The following ARHGEF28 variants were observed in gnomAD, a reference collection of about 807,000 sequenced individuals.
ARHGEF28 encodes the protein 190 kDa guanine nucleotide exchange factor.
A neutral mutation model predicts 206.6 loss-of-function variants in ARHGEF28; 152 were observed. The ratio of observed to expected loss-of-function variants is 0.74; its 90% CI spans 0.64 to 0.84. The LOEUF (loss-of-function observed/expected upper bound fraction) is 0.84, where lower values mean the gene tolerates loss of function less well. Ranked by LOEUF, ARHGEF28 falls within the 40% of genes least tolerant of loss-of-function variation. The probability of loss-of-function intolerance (pLI) is 0.00; values close to 1 mark genes in which losing one functional copy is unlikely to be tolerated. For synonymous variants in ARHGEF28, 763 were observed against 776.4 expected, an observed-to-expected ratio of 0.98 and a Z score of 0.29; for missense variants, 2,028 against 2,073.2, an observed-to-expected ratio of 0.98 and a Z score of 0.42.
intron 16 of ARHGEF28, among the ~76,000 whole-genome samples, chr5:73,859,644 A>G (rs955891327): frequency 6.6e-6 from 1 of 152,166 alleles, no homozygotes; most frequent in African/African-American, 2.4e-5. Flanking sequence ...GGCTGCTCAG[A>G]TGTGGTTTAA....
chr5:73,652,185 C>T (rs548994312), intron 1 of ARHGEF28, among the ~76,000 whole-genome samples: 3 of 152,120 alleles, frequency 2.0e-5, no homozygotes, highest in East Asian at 1.9e-4. Flanking sequence ...TCTTCCCTCA[C>T]GAAGCTTATT....
In ARHGEF28 at chr5:73,695,853, C is replaced by T. The variant is rs576996085; in HGVS notation, c.33+10969C>T. On this transcript the variant is annotated intron_variant, in intron 2 of 35. Coordinates refer to ENST00000513042, the MANE Select transcript of ARHGEF28 (RefSeq NM_001177693.2). ...TTATTTCCCTACATTCATCTCGCAA[C>T]TCGCAGCCATATCATTTATCTGTTC... is the stretch of plus-strand genomic sequence containing the variant. Among the ~76,000 whole-genome samples the T allele has an allele frequency of 2.0e-5, 3 of 152,310 alleles. No homozygotes were observed. In the South Asian group the frequency reaches 6.2e-4, roughly 32 times the overall value.
intron 9 of ARHGEF28, among the ~76,000 whole-genome samples, chr5:73,796,433 A>G (rs966076029): frequency 1.3e-5 from 2 of 152,226 alleles, no homozygotes; most frequent in Non-Finnish European, 2.9e-5. Flanking sequence ...AGATTAATGG[A>G]GAAGGTGGGT....
At chr5:73,731,098 C>T (rs778972440) in intron 2 of ARHGEF28, among the ~76,000 whole-genome samples, 2 of 151,298 alleles carry the variant, frequency 1.3e-5, no homozygotes, top group Non-Finnish European at 2.9e-5. Flanking sequence ...TTTTTAGTAA[C>T]TGTGCTCAAC....
chr5:73,835,195 G>T (rs1266107448), intron 10 of ARHGEF28: 3 of 152,288 alleles, frequency 2.0e-5, no homozygotes, highest in Admixed American at 2.0e-4. Flanking sequence ...GGACGGGCCG[G>T]GCACGGTGGC....
intron 35 of ARHGEF28, among the ~76,000 whole-genome samples, chr5:73,924,454 T>C (rs1312149334): frequency 1.3e-5 from 2 of 152,216 alleles, no homozygotes; most frequent in Non-Finnish European, 1.5e-5. Context: ...CATAAAACAA[T>C]GTGTGTACAA....
At chr5:73,632,563 T>C (rs1743436002) in intron 1 of ARHGEF28, among the ~76,000 whole-genome samples, 2 of 152,224 alleles carry the variant, frequency 1.3e-5, no homozygotes, top group African/African-American at 4.8e-5. Context: ...AGTTCTGCTA[T>C]GTGGAGGCCA....
chr5:73,832,308 A>G (rs1757345569), intron 9 of ARHGEF28, 30 bp from the exon 10 acceptor site: 4 of 1,609,622 alleles, frequency 2.5e-6, no homozygotes, highest in Non-Finnish European at 2.5e-6. Flanking sequence ...CTTCTCCTTT[A>G]TTTGCCCTGT....
At chr5:73,872,383 A>G (rs1443835920) in intron 21 of ARHGEF28, among the ~76,000 whole-genome samples, 1 of 152,134 alleles carries the variant, frequency 6.6e-6, no homozygotes, top group African/African-American at 2.4e-5. Context: ...TATACTAGAT[A>G]CAAGTTCCTT....
At chr5:73,734,088 G>A (rs1750766245) in intron 2 of ARHGEF28, among the ~76,000 whole-genome samples, 1 of 152,086 alleles carries the variant, frequency 6.6e-6, no homozygotes, top group African/African-American at 2.4e-5. Flanking sequence ...CCTCCCACCA[G>A]GCCCCACCCC....
Position 73,901,240 on chromosome 5 carries a change from C to T in ARHGEF28, c.4030C>T (p.Gln1344Ter). Residue 1344 changes from glutamine (Q) to a stop codon, truncating the protein, a stop_gained, in exon 31 of 36, where the codon CAG becomes TAG. Transcript: ENST00000513042. LOFTEE classifies it high-confidence loss of function. The stretch of plus-strand genomic sequence containing the variant: ...CTGTTCGGATGTGGATCCCGGGATC[C>T]AGGGTGTGGTAACCGACTTGGCCGT... ...RGCSDVDPGI[Q>*]GVVTDLAVSD... 1 of 1,613,330 alleles carries T rather than the reference C, an allele frequency of 6.2e-7. No homozygotes were observed. Among genetic ancestry groups the T allele is most frequent in the African/African-American group, 1.3e-5 (1 of 74,948 alleles).
intron 4 of ARHGEF28, among the ~76,000 whole-genome samples, chr5:73,769,033 T>C (rs1020924561): frequency 2.0e-5 from 3 of 152,198 alleles, no homozygotes; most frequent in African/African-American, 7.2e-5. Context: ...CCTTCCACCA[T>C]GATTGTGAGG....
chr5:73,881,632 T>A lies in ARHGEF28; in HGVS notation c.2815-840T>A, dbSNP rs1011092346. Among the ~76,000 whole-genome samples the A allele has an allele frequency of 2.0e-5, 3 of 152,218 alleles. No individual in the cohort carries two copies. In the East Asian group the frequency reaches 5.8e-4, roughly 29 times the overall value. ...GATGAAAAGACCAGAGGTCGTGATGTAAATTTTAAGTACTTTTAAGAGGGT... is the reference window on the plus strand; with the variant it reads ...GATGAAAAGACCAGAGGTCGTGATGAAAATTTTAAGTACTTTTAAGAGGGT... On this transcript the variant is annotated intron_variant, in intron 22 of 35. Transcript: ENST00000513042.
rs1489556598 is a variant in ARHGEF28 at position 73,911,182 on chromosome 5, CT to C, written c.4648-91del. The C allele has an allele frequency of 2.4e-6, 3 of 1,257,884 alleles. No individual in the cohort carries two copies. The African/African-American group carries it at 4.5e-5, about 19-fold the overall frequency. The allele number at this position is 1,257,884 out of a possible 1,614,324, so 77.9% of individuals were successfully genotyped here. On this transcript the variant is annotated intron_variant, in intron 34 of 35. Transcript: ENST00000513042. The stretch of plus-strand genomic sequence containing the variant: ...ATCTTGACCTCACTTTTACTGAAAT[CT>C]TGATTCCTAAGATTCTCTCAGGAAT...
chr5:73,657,503 T>G (rs1471873823), intron 1 of ARHGEF28, among the ~76,000 whole-genome samples: 1 of 152,202 alleles, frequency 6.6e-6, no homozygotes, highest in African/African-American at 2.4e-5. Context: ...CAGTCTATCA[T>G]TTGAAGTTCT....
intron 1 of ARHGEF28, among the ~76,000 whole-genome samples, chr5:73,676,171 A>G (rs1287335072): frequency 1.3e-5 from 2 of 150,388 alleles, no homozygotes; most frequent in East Asian, 3.9e-4. Flanking sequence ...CCTGGGTTCA[A>G]GTGATTCTCC....
At chr5:73,886,757 C>T (rs1761325127) in intron 25 of ARHGEF28, among the ~76,000 whole-genome samples, 1 of 152,222 alleles carries the variant, frequency 6.6e-6, no homozygotes, top group African/African-American at 2.4e-5. Context: ...TACGAATGCT[C>T]ATGTCTCCTC....
intron 4 of ARHGEF28, among the ~76,000 whole-genome samples, chr5:73,758,840 T>C: frequency 6.6e-6 from 1 of 152,198 alleles, no homozygotes; most frequent in Non-Finnish European, 1.5e-5. Flanking sequence ...TTTGTAAAGG[T>C]ACTAGCATGA....
At chr5:73,690,884 T>A (rs1747779614) in intron 2 of ARHGEF28, among the ~76,000 whole-genome samples, 1 of 152,168 alleles carries the variant, frequency 6.6e-6, no homozygotes, top group African/African-American at 2.4e-5. Context: ...TTATAAAGAA[T>A]ATAATAGTAA....
Sources: allele counts gnomAD v4.1 joint callset (sites outside exome capture counted in the v4.1 genomes callset), GRCh38; gene constraint gnomAD v4.1.1; transcripts MANE v1.5; gene names NCBI Gene and HGNC (gene_info 2026-07-23, HGNC 2026-07-21).